Variants in VSTM2A observed in about 807,000 individuals in gnomAD.
The protein encoded by VSTM2A is V-set and transmembrane domain containing 2A.
A neutral mutation model predicts 27.3 loss-of-function variants in VSTM2A; 13 were observed. The observed-to-expected ratio is 0.48, with a 90% CI of 0.31 to 0.76. The LOEUF (loss-of-function observed/expected upper bound fraction) is 0.76, where lower values mean the gene tolerates loss of function less well. Among genes scored for constraint, VSTM2A ranks in the 30% least tolerant of loss-of-function variants. VSTM2A has a pLI of 0.05. For missense variants in VSTM2A, 280 were observed against 310.0 expected (o/e 0.90, Z 0.73); for synonymous variants, 142 against 125.7 (o/e 1.13, Z -0.87).
intron 4 of VSTM2A, chr7:54,551,140 TACACACACACACAC>T (rs3032802): frequency 2.0e-5 from 3 of 149,414 alleles, no homozygotes. Flanking sequence ...TCGTCCTGAA[TACACACACACACAC>T]ACACACACGC....
intron 2 of VSTM2A, chr7:54,546,706 G>A (rs373209387): frequency 4.1e-6 from 2 of 491,038 alleles, no homozygotes; most frequent in East Asian, 3.6e-5. Flanking sequence ...ACAGCCCCGG[G>A]ACAGCCCCGG....
intron 1 of VSTM2A, 97 bp from the exon 2 acceptor site, chr7:54,544,525 C>T: frequency 6.8e-7 from 1 of 1,473,516 alleles, no homozygotes; most frequent in Non-Finnish European, 9.4e-7. Context: ...GGTTTTGTTG[C>T]TATTTAAGTC....
At chr7:54,567,175 T>C (rs1395779672) in intron 4 of VSTM2A, among the ~76,000 whole-genome samples, 1 of 152,188 alleles carries the variant, frequency 6.6e-6, no homozygotes, top group Non-Finnish European at 1.5e-5. Flanking sequence ...ATTTACTATA[T>C]AGGAAAAAAT....
At chr7:54,542,975 CTGTAGA>C (rs1164903094) in intron 1 of VSTM2A, among the ~76,000 whole-genome samples, 166 bp downstream of exon 1, 7 of 152,062 alleles carry the variant, frequency 4.6e-5, no homozygotes, top group Non-Finnish European at 1.0e-4. Context: ...GTTTATTAAA[CTGTAGA>C]CTAGCTAGGC....
At position 54,569,908 on chromosome 7, in the gene VSTM2A, A is replaced by G. The variant is rs1788839570; in HGVS notation, c.*689A>G. The G allele has an allele frequency of 6.6e-6, 1 of 152,146 alleles. No homozygotes were observed. The allele number at this position is 152,146 out of a possible 1,614,324, so 9.4% of individuals were successfully genotyped here. A position where few individuals can be genotyped will look rare whatever the true frequency, so the allele number is the denominator to read the frequency against. On this transcript the variant is annotated 3_prime_UTR_variant, in exon 5 of 5. Transcript: ENST00000402613. ...GCGACCCTCATGCAAGCTGATTTTTATCATTATATATATAAATATATACTT... is the reference window on the plus strand; with the variant it reads ...GCGACCCTCATGCAAGCTGATTTTTGTCATTATATATATAAATATATACTT...
At chr7:54,562,819 C>T (rs1387103824) in intron 4 of VSTM2A, among the ~76,000 whole-genome samples, 1 of 152,132 alleles carries the variant, frequency 6.6e-6, no homozygotes, top group Non-Finnish European at 1.5e-5. Context: ...TGTGGAATTC[C>T]TAATATGGAA....
chr7:54,566,796 C>T (rs1009278241), intron 4 of VSTM2A, among the ~76,000 whole-genome samples: 4 of 152,264 alleles, frequency 2.6e-5, no homozygotes, highest in East Asian at 3.9e-4. Flanking sequence ...CAGAACTCAG[C>T]GGTCCTGACG....
intron 4 of VSTM2A, among the ~76,000 whole-genome samples, chr7:54,560,590 C>T (rs371868057): frequency 1.3e-5 from 2 of 152,106 alleles, no homozygotes; most frequent in Admixed American, 1.3e-4. Flanking sequence ...TTATGTTTTA[C>T]TTAATGCAAC....
rs757673782 is a variant in VSTM2A, at chr7:54,569,169, G to A, written c.673G>A (p.Ala225Thr). 1.9e-5 allele frequency: 29 copies of A among 1,552,194 alleles called. No homozygotes were observed. Among genetic ancestry groups the A allele is most frequent in the Non-Finnish European group, 2.4e-5 (28 of 1,147,208 alleles). ...KSPVKSTERT[A>T]KLTLNSKHHP... Reference sequence around the variant, plus strand: ...GCCTGTAAAATCTACGGAGCGGACAGCAAAGTTGACCCTAAACTCCAAGCA... The same window carrying A: ...GCCTGTAAAATCTACGGAGCGGACAACAAAGTTGACCCTAAACTCCAAGCA... Residue 225 changes from alanine to threonine, a missense_variant, in exon 5 of 5, where the codon GCA (alanine) becomes ACA (threonine). Transcript: ENST00000402613.
chr7:54,542,994 G>C (rs527884537), intron 1 of VSTM2A, among the ~76,000 whole-genome samples, 185 bp downstream of exon 1: 1 of 152,220 alleles, frequency 6.6e-6, no homozygotes, highest in South Asian at 2.1e-4. Context: ...AGCTAGGCTG[G>C]AGAGAAAATC....
chr7:54,552,574 T>A (rs1037346199), intron 4 of VSTM2A: 1 of 152,308 alleles, frequency 6.6e-6, no homozygotes, highest in East Asian at 1.9e-4. Flanking sequence ...CTTCCATCCC[T>A]CCTAGGAACT....
rs907723500 is a variant in VSTM2A, at chr7:54,563,311, T to C, written c.635-5820T>C. On this transcript the variant is annotated intron_variant, in intron 4 of 4. Coordinates refer to ENST00000402613, the MANE Select transcript of VSTM2A (RefSeq NM_001301009.2). ...TACTAGTTGAATAAACTCCAATAAG[T>C]TACATAATCCCCTTCAGCTTCAGTT... Among the ~76,000 whole-genome samples, 5 of 152,164 alleles carry C rather than the reference T, an allele frequency of 3.3e-5. No individual in the cohort carries two copies. The South Asian group carries it at 1.0e-3, about 31-fold the overall frequency.
At chr7:54,562,285 G>A (rs1788586544) in intron 4 of VSTM2A, among the ~76,000 whole-genome samples, 3 of 152,174 alleles carry the variant, frequency 2.0e-5, no homozygotes, top group African/African-American at 7.2e-5. Flanking sequence ...AAGAAGATAT[G>A]TGGAAAATGA....
chr7:54,543,680 G>A (rs752745589), intron 1 of VSTM2A, among the ~76,000 whole-genome samples: 3 of 152,132 alleles, frequency 2.0e-5, no homozygotes, highest in African/African-American at 4.8e-5. Flanking sequence ...CTCCATAAGT[G>A]TGCATTGTGG....
intron 4 of VSTM2A, among the ~76,000 whole-genome samples, chr7:54,566,230 C>G (rs1448176846): frequency 2.0e-5 from 3 of 152,202 alleles, no homozygotes; most frequent in African/African-American, 7.2e-5. Context: ...GACCTGCTGC[C>G]TGTAAATTTT....
chr7:54,548,864 C>T (rs115944705), intron 3 of VSTM2A, among the ~76,000 whole-genome samples: 1,637 of 151,838 alleles, frequency 0.011, 31 homozygotes, highest in African/African-American at 0.037. Context: ...GAAAAAATAA[C>T]TTTCGGCCTC....
At chr7:54,547,096 G>A in intron 3 of VSTM2A, 99 bp downstream of exon 3, 2 of 1,394,416 alleles carry the variant, frequency 1.4e-6, no homozygotes, top group Non-Finnish European at 1.9e-6. Context: ...CAGGACAGCC[G>A]GACAGCCGGG....
Position 54,554,195 on chromosome 7 carries a change from C to T in VSTM2A, c.634+4025C>T, listed in dbSNP as rs576404537. On this transcript the variant is annotated intron_variant, in intron 4 of 4. Coordinates refer to ENST00000402613, the MANE Select transcript of VSTM2A (RefSeq NM_001301009.2). ...CAGTCTCTAGGCAGCCTTTCTCCCT[C>T]GATCACTCCTTCCTGACACTCTTAC... The T allele has an allele frequency of 6.1e-4, 878 of 1,439,744 alleles. 2 individuals are homozygous for T. The highest frequency in any genetic ancestry group is 7.8e-4 in the Non-Finnish European group (838 of 1,081,160). The allele number at this position is 1,439,744 out of a possible 1,614,324, so 89.2% of individuals were successfully genotyped here.
At chr7:54,553,998 C>T (rs1414728664) in intron 4 of VSTM2A, 4 of 1,553,226 alleles carry the variant, frequency 2.6e-6, no homozygotes, top group East Asian at 2.4e-5. Context: ...AACTGTGAAG[C>T]GGCTTCCTGC....
Sources: allele counts gnomAD v4.1 joint callset (sites outside exome capture counted in the v4.1 genomes callset), GRCh38; gene constraint gnomAD v4.1.1; transcripts MANE v1.5; gene names NCBI Gene and HGNC (gene_info 2026-07-23, HGNC 2026-07-21).